Variants in MIPOL1 observed in about 807,000 individuals in gnomAD.
The protein encoded by MIPOL1 is mirror-image polydactyly 1.
In MIPOL1, 57 loss-of-function variants were observed where a neutral mutation model predicts 60.9. The observed-to-expected ratio is 0.94, with a 90% confidence interval of 0.76 to 1.17. The LOEUF is 1.17. MIPOL1 is among the 50% of genes most tolerant of loss of function. The pLI, the probability that MIPOL1 is intolerant of heterozygous loss-of-function variation, is 0.00. For missense variants in MIPOL1, 551 were observed against 511.6 expected (o/e 1.08, Z -0.74); for synonymous variants, 179 against 168.8 (o/e 1.06, Z -0.47).
intron 11 of MIPOL1, among the ~76,000 whole-genome samples, chr14:37,453,263 A>G (rs188095854): frequency 1.3e-5 from 2 of 152,248 alleles, no homozygotes; most frequent in Admixed American, 6.5e-5. Context: ...GATAATTAGT[A>G]GCATGAATTA....
At chr14:37,372,955 G>T (rs923652494) in intron 10 of MIPOL1, among the ~76,000 whole-genome samples, 1 of 151,966 alleles carries the variant, frequency 6.6e-6, no homozygotes, top group Non-Finnish European at 1.5e-5. Flanking sequence ...ATCTACTTAT[G>T]TTAAGAAATT....
At chr14:37,431,772 G>C (rs2094074106) in intron 11 of MIPOL1, among the ~76,000 whole-genome samples, 2 of 150,024 alleles carry the variant, frequency 1.3e-5, no homozygotes, top group Non-Finnish European at 3.0e-5. Flanking sequence ...CTTTTAGTAG[G>C]AACGGGGTTT....
At chr14:37,425,621 T>C (rs1184262804) in intron 11 of MIPOL1, among the ~76,000 whole-genome samples, 2 of 152,312 alleles carry the variant, frequency 1.3e-5, no homozygotes, top group South Asian at 4.1e-4. Context: ...TACCTACTTA[T>C]AGGGTTGTTT....
chr14:37,535,929 C>A (rs866680351), intron 12 of MIPOL1, among the ~76,000 whole-genome samples: 1 of 151,940 alleles, frequency 6.6e-6, no homozygotes, highest in South Asian at 2.1e-4. Flanking sequence ...GAGACAGGAT[C>A]TTGCTCTGTT....
chr14:37,328,199 G>A (rs1408321853), intron 9 of MIPOL1, among the ~76,000 whole-genome samples: 1 of 152,000 alleles, frequency 6.6e-6, no homozygotes, highest in African/African-American at 2.4e-5. Context: ...ATTTTTAGTA[G>A]AGATGGGGTT....
At chr14:37,448,915 G>A (rs767991948) in intron 11 of MIPOL1, among the ~76,000 whole-genome samples, 1 of 152,128 alleles carries the variant, frequency 6.6e-6, no homozygotes, top group Admixed American at 6.5e-5. Flanking sequence ...CAAATTCCAT[G>A]ACAGACACTT....
chr14:37,527,125 A>G (rs1214346206), intron 12 of MIPOL1, among the ~76,000 whole-genome samples: 4 of 151,894 alleles, frequency 2.6e-5, no homozygotes, highest in Admixed American at 6.6e-5. Flanking sequence ...TTATAAATCA[A>G]TTTTTATTGA....
chr14:37,439,629 G>C (rs1029742644), intron 11 of MIPOL1, among the ~76,000 whole-genome samples: 8 of 152,014 alleles, frequency 5.3e-5, no homozygotes, highest in Admixed American at 5.2e-4. Context: ...CTACACGTAC[G>C]CATCACTTGC....
At chr14:37,433,703 C>T (rs1054880693) in intron 11 of MIPOL1, among the ~76,000 whole-genome samples, 32 of 152,008 alleles carry the variant, frequency 2.1e-4, no homozygotes, top group Middle Eastern at 6.8e-3. Context: ...TTACAGGTGC[C>T]CGCCACCATG....
intron 12 of MIPOL1, chr14:37,503,296 C>T (rs2095240110): frequency 6.6e-6 from 1 of 151,900 alleles, no homozygotes; most frequent in Non-Finnish European, 1.5e-5. Context: ...AAGAGCAAAC[C>T]CATGAAACAT....
At chr14:37,545,668 T>C in intron 12 of MIPOL1, 1 of 653,604 alleles carries the variant, frequency 1.5e-6, no homozygotes, top group Non-Finnish European at 2.7e-6. Context: ...TTAACAGAAT[T>C]CTTGATAGAT....
chr14:37,303,821 C>G (rs552183870), intron 7 of MIPOL1, among the ~76,000 whole-genome samples: 4 of 151,880 alleles, frequency 2.6e-5, no homozygotes, highest in Admixed American at 6.6e-5. Flanking sequence ...ATGCTTAAAA[C>G]AATTAACAGT....
chr14:37,544,142 C>T (rs1214425578), intron 12 of MIPOL1, among the ~76,000 whole-genome samples: 2 of 151,880 alleles, frequency 1.3e-5, no homozygotes, highest in African/African-American at 4.8e-5. Flanking sequence ...AAGTCATGAG[C>T]GTTTAAGTGT....
chr14:37,300,040 C>A (rs558349778), intron 7 of MIPOL1, among the ~76,000 whole-genome samples: 1 of 152,000 alleles, frequency 6.6e-6, no homozygotes, highest in East Asian at 2.0e-4. Context: ...AAGTGAGTGC[C>A]ATTTTCCTTA....
intron 11 of MIPOL1, among the ~76,000 whole-genome samples, chr14:37,426,347 C>T (rs1402189835): frequency 1.3e-5 from 2 of 151,488 alleles, no homozygotes; most frequent in Non-Finnish European, 2.9e-5. Flanking sequence ...GTGGGCAGAT[C>T]ACCTGAGGTC....
At chr14:37,200,300 T>A (rs10139240) in intron 1 of MIPOL1, among the ~76,000 whole-genome samples, 68,437 of 152,018 alleles carry the variant, frequency 0.45, 17,894 homozygotes, top group African/African-American at 0.73. Flanking sequence ...ACCCTTTAAA[T>A]ATGTAAAAAC....
intron 9 of MIPOL1, among the ~76,000 whole-genome samples, chr14:37,359,957 T>C (rs1474890101): frequency 2.0e-5 from 3 of 152,314 alleles, no homozygotes; most frequent in Non-Finnish European, 4.4e-5. Flanking sequence ...GCTGTGGGTT[T>C]GTCATAAATA....
intron 11 of MIPOL1, among the ~76,000 whole-genome samples, chr14:37,471,201 A>G (rs117721339): frequency 6.6e-6 from 1 of 152,324 alleles, no homozygotes; most frequent in Non-Finnish European, 1.5e-5. Context: ...AAGACAGCAA[A>G]CATAGACAAT....
intron 7 of MIPOL1, among the ~76,000 whole-genome samples, chr14:37,295,371 CA>C (rs1188876189): frequency 6.6e-6 from 1 of 152,164 alleles, no homozygotes; most frequent in Non-Finnish European, 1.5e-5. Context: ...TAAAGACCAT[CA>C]AGGCTAGGAA....
Sources: allele counts gnomAD v4.1 joint callset (sites outside exome capture counted in the v4.1 genomes callset), GRCh38; gene constraint gnomAD v4.1.1; transcripts MANE v1.5; gene names NCBI Gene and HGNC (gene_info 2026-07-23, HGNC 2026-07-21).